The following GABRA3 variants were observed in gnomAD, a reference collection of about 807,000 sequenced individuals.
GABRA3 encodes gamma-aminobutyric acid type A receptor subunit alpha3, also known as gamma-aminobutyric acid receptor subunit alpha-3.
GABRA3 carries 10 observed loss-of-function variants against 30.1 expected under a neutral mutation model. The ratio of observed to expected loss-of-function variants is 0.33; its 90% CI spans 0.20 to 0.56. GABRA3 has a LOEUF of 0.56. Among genes scored for constraint, GABRA3 ranks in the 20% least tolerant of loss-of-function variants. The pLI is 0.89. For missense variants in GABRA3, 233 were observed against 392.0 expected (o/e 0.59, Z 3.42); for synonymous variants, 151 against 146.8 (o/e 1.03, Z -0.21).
At chrX:152,296,846 C>T (rs992733066) in intron 3 of GABRA3, among the ~76,000 whole-genome samples, 1 of 109,829 alleles carries the variant, frequency 9.1e-6, no homozygotes, top group African/African-American at 3.3e-5. Flanking sequence ...ATTACAGGCA[C>T]CCACCACCAC....
chrX:152,271,853 T>C (rs910335385), intron 4 of GABRA3, among the ~76,000 whole-genome samples: 6 of 111,883 alleles, frequency 5.4e-5, no homozygotes, highest in Admixed American at 9.5e-5. Flanking sequence ...GCTCGGGCCA[T>C]TGCTTTGGAG....
chrX:152,346,620 T>C (rs947337522), intron 2 of GABRA3, among the ~76,000 whole-genome samples: 3 of 111,804 alleles, frequency 2.7e-5, no homozygotes, highest in Admixed American at 9.5e-5. Context: ...CCAGAATAGA[T>C]AAAGAGCTCA....
intron 4 of GABRA3, among the ~76,000 whole-genome samples, chrX:152,256,907 T>C (rs1938646028): frequency 9.0e-6 from 1 of 111,656 alleles, no homozygotes; most frequent in African/African-American, 3.3e-5. Flanking sequence ...TCCTGTGGCA[T>C]ATACAACACC....
At chrX:152,293,123 G>C (rs146640945) in intron 3 of GABRA3, among the ~76,000 whole-genome samples, 224 of 111,163 alleles carry the variant, frequency 2.0e-3, no homozygotes, top group African/African-American at 7.1e-3. Flanking sequence ...CTTCTGTCTC[G>C]TTGATCTGTC....
chrX:152,194,933 AG>A (rs1161018123), intron 8 of GABRA3, among the ~76,000 whole-genome samples: 3 of 110,484 alleles, frequency 2.7e-5, no homozygotes, highest in Non-Finnish European at 5.7e-5. Flanking sequence ...CTAATTAAAA[AG>A]AAAAAATTTA....
At chrX:152,346,264 G>T (rs753872893) in intron 2 of GABRA3, among the ~76,000 whole-genome samples, 2 of 111,403 alleles carry the variant, frequency 1.8e-5, no homozygotes, top group African/African-American at 3.3e-5. Flanking sequence ...AATAAACGGT[G>T]CTGGGAAAAC....
chrX:152,242,244 T>A (rs762798142), intron 5 of GABRA3, among the ~76,000 whole-genome samples: 1 of 111,028 alleles, frequency 9.0e-6, no homozygotes, highest in Admixed American at 9.6e-5. Flanking sequence ...AGAATGAAAT[T>A]GGACCCCATT....
intron 6 of GABRA3, among the ~76,000 whole-genome samples, chrX:152,217,344 C>T (rs1313260144): frequency 3.6e-5 from 4 of 111,354 alleles, no homozygotes; most frequent in Non-Finnish European, 5.7e-5. Flanking sequence ...GAATCCGTTG[C>T]TAGAGTTTCA....
Position 152,345,714 on chromosome X carries a change from C to T in GABRA3, c.141-12G>A. The T allele has an allele frequency of 8.8e-7, 1 of 1,135,364 alleles. No individual in the cohort carries two copies. Among genetic ancestry groups the T allele is most frequent in the Non-Finnish European group, 1.2e-6 (1 of 865,391 alleles). The allele number at this position is 1,135,364 out of a possible 1,213,427, so 93.6% of individuals were successfully genotyped here. ...GCTTAGGAGACAGCCTGAGGCAATGCAAGGAAAAGAAAAAAAATAATAGTT... is the reference window on the plus strand; with the variant it reads ...GCTTAGGAGACAGCCTGAGGCAATGTAAGGAAAAGAAAAAAAATAATAGTT... On this transcript the variant is annotated splice_polypyrimidine_tract_variant and intron_variant, in intron 2 of 9. Coordinates refer to ENST00000370314, the MANE Select transcript of GABRA3 (RefSeq NM_000808.4).
chrX:152,176,065 AAAATAAATAAATAAAT>A (rs61560461), intron 9 of GABRA3, among the ~76,000 whole-genome samples: 160 of 93,951 alleles, frequency 1.7e-3, no homozygotes, highest in African/African-American at 5.3e-3. Flanking sequence ...TTCCATCTCA[AAAATAAATAAATAAAT>A]AAATAAATAA....
In GABRA3 at chrX:152,168,574, G is replaced by GGAAAAA. The variant is rs753463572; in HGVS notation, c.1144-17_1144-12dup. 5.2e-6 allele frequency: 6 copies of GGAAAAA among 1,147,356 alleles called. No homozygotes were observed. The South Asian group carries it at 1.1e-4, about 21-fold the overall frequency. The allele number at this position is 1,147,356 out of a possible 1,213,427, so 94.6% of individuals were successfully genotyped here. ...TGCTGGTGTTTTCTTCTAGAGGCCA[G>GGAAAAA]GAAAAAGAGGGGGGGAAAGGGAGAA... On this transcript the variant is annotated splice_polypyrimidine_tract_variant and intron_variant, in intron 9 of 9. Coordinates refer to ENST00000370314, the MANE Select transcript of GABRA3 (RefSeq NM_000808.4).
At chrX:152,362,952 C>G (rs1024733910) in intron 2 of GABRA3, among the ~76,000 whole-genome samples, 3 of 111,945 alleles carry the variant, frequency 2.7e-5, no homozygotes, top group African/African-American at 9.7e-5. Flanking sequence ...TAATTAAATA[C>G]ATTGGACATG....
At chrX:152,188,379 T>C (rs1937282835) in intron 9 of GABRA3, among the ~76,000 whole-genome samples, 1 of 111,261 alleles carries the variant, frequency 9.0e-6, no homozygotes, top group African/African-American at 3.3e-5. Flanking sequence ...GTAAGTGTTA[T>C]AAAATGTAAT....
intron 4 of GABRA3, among the ~76,000 whole-genome samples, chrX:152,279,718 C>T (rs59683080): frequency 0.11 from 11,747 of 111,102 alleles, 492 homozygotes; most frequent in South Asian, 0.12. Context: ...GCCATTTTCA[C>T]GATATTGATT....
At chrX:152,197,107 G>A (rs972545272) in intron 8 of GABRA3, among the ~76,000 whole-genome samples, 9 of 112,276 alleles carry the variant, frequency 8.0e-5, no homozygotes, top group Non-Finnish European at 1.5e-4. Flanking sequence ...TGTCTTCCTA[G>A]ACATCAGTAT....
At chrX:152,356,868 T>A (rs1047021004) in intron 2 of GABRA3, among the ~76,000 whole-genome samples, 43 of 112,026 alleles carry the variant, frequency 3.8e-4, no homozygotes, top group Non-Finnish European at 6.2e-4. Flanking sequence ...CCTGTGTTAG[T>A]TTGCTCAGGA....
At chrX:152,447,819 C>T (rs1197866839) in intron 1 of GABRA3, among the ~76,000 whole-genome samples, 2 of 111,578 alleles carry the variant, frequency 1.8e-5, no homozygotes, top group Non-Finnish European at 3.8e-5. Context: ...CTAATTTGGG[C>T]CTCTTAAATT....
intron 3 of GABRA3, among the ~76,000 whole-genome samples, chrX:152,319,528 T>C (rs1197306317): frequency 8.9e-6 from 1 of 111,904 alleles, no homozygotes; most frequent in Non-Finnish European, 1.9e-5. Context: ...AAGCCACATG[T>C]AGGAGAATGA....
chrX:152,243,747 T>C (rs886085175), intron 5 of GABRA3, among the ~76,000 whole-genome samples: 4 of 111,907 alleles, frequency 3.6e-5, no homozygotes, highest in African/African-American at 1.3e-4. Flanking sequence ...GCAGAAGGTA[T>C]ATGTATCAGA....
Sources: gnomAD v4.1 joint callset for allele counts (sites outside exome capture counted in the v4.1 genomes callset) on GRCh38, gnomAD v4.1.1 for gene constraint, MANE v1.5 for transcripts, NCBI Gene and HGNC (gene_info 2026-07-23, HGNC 2026-07-21) for gene names.